CRADD: variants seen among roughly 807,000 people sequenced by gnomAD.
The protein encoded by CRADD is death domain-containing protein CRADD.
In CRADD, 9 loss-of-function variants were observed where a neutral mutation model predicts 15.5. The ratio of observed to expected loss-of-function variants is 0.58; its 90% CI spans 0.35 to 1.01. The LOEUF (loss-of-function observed/expected upper bound fraction) is 1.01, where lower values mean the gene tolerates loss of function less well. Among genes scored for constraint, CRADD ranks in the 50% least tolerant of loss-of-function variants. The pLI, the probability that CRADD is intolerant of heterozygous loss-of-function variation, is 0.02. For missense variants in CRADD, 227 were observed against 250.3 expected (o/e 0.91, Z 0.63); for synonymous variants, 118 against 107.6 (o/e 1.10, Z -0.60).
chr12:93,725,006 A>C (rs940234873), intron 2 of CRADD, among the ~76,000 whole-genome samples: 2 of 151,900 alleles, frequency 1.3e-5, no homozygotes, highest in Non-Finnish European at 2.9e-5. Context: ...GACTTCAGGC[A>C]CCCGCCACCA....
chr12:93,779,651 G>A (rs568507030), intron 2 of CRADD, among the ~76,000 whole-genome samples: 2 of 149,218 alleles, frequency 1.3e-5, no homozygotes, highest in Non-Finnish European at 3.0e-5. Flanking sequence ...GTGCAGTGGT[G>A]CAATCTCGGC....
At chr12:93,773,533 T>C (rs1957107417) in intron 2 of CRADD, among the ~76,000 whole-genome samples, 1 of 152,194 alleles carries the variant, frequency 6.6e-6, no homozygotes, top group Non-Finnish European at 1.5e-5. Context: ...CTTGGGTATG[T>C]CTGTATCAGC....
rs186668869 is a variant in CRADD, at chr12:93,737,143, A to G, written c.298+58071A>G. ...TAAATTAGAGTTTGCTATGTGAACA[A>G]GGTTGCAGAGGGAATAGTATATGGA... On this transcript the variant is annotated intron_variant, in intron 2 of 2. Coordinates refer to ENST00000332896, the MANE Select transcript of CRADD (RefSeq NM_003805.5). 2.6e-5 allele frequency among the ~76,000 whole-genome samples: 4 copies of G among 152,358 alleles called. No homozygotes were observed. The East Asian group carries it at 7.7e-4, about 29-fold the overall frequency.
chr12:93,763,224 T>A (rs1956989368), intron 2 of CRADD, among the ~76,000 whole-genome samples: 1 of 152,262 alleles, frequency 6.6e-6, no homozygotes, highest in African/African-American at 2.4e-5. Flanking sequence ...TACCATATTA[T>A]GCTACCCCTC....
At position 93,693,634 on chromosome 12, in the gene CRADD, A is replaced by G. The variant is rs11107161; in HGVS notation, c.298+14562A>G. On this transcript the variant is annotated intron_variant, in intron 2 of 2. Coordinates refer to ENST00000332896, the MANE Select transcript of CRADD (RefSeq NM_003805.5). The stretch of plus-strand genomic sequence containing the variant: ...GATCTGAAGGGGGAGACAGACTAGA[A>G]TATAGTAATAGTAGAGAACTTTAAT... Among the ~76,000 whole-genome samples the G allele has an allele frequency of 9.2e-3, 1,403 of 152,198 alleles. 16 individuals are homozygous for G. Among genetic ancestry groups the G allele is most frequent in the African/African-American group, 0.032 (1,344 of 41,552 alleles).
chr12:93,756,763 T>C lies in CRADD; in HGVS notation c.298+77691T>C, dbSNP rs78492221. On this transcript the variant is annotated intron_variant, in intron 2 of 2. Coordinates refer to ENST00000332896, the MANE Select transcript of CRADD (RefSeq NM_003805.5). ...GATAAGAGCTTACAAGAACATGCCA[T>C]GTAGGCACAAAACCTTAACTTCTTG... Among the ~76,000 whole-genome samples, 1,375 of 152,270 alleles carry C rather than the reference T, an allele frequency of 9.0e-3. 19 individuals carry two copies. Among genetic ancestry groups the C allele is most frequent in the African/African-American group, 0.031 (1,299 of 41,538 alleles).
At position 93,781,338 on chromosome 12, in the gene CRADD, G is replaced by A. The variant is rs544368862; in HGVS notation, c.299-68632G>A. 4.3e-3 allele frequency among the ~76,000 whole-genome samples: 657 copies of A among 152,218 alleles called. 4 individuals carry two copies. Among genetic ancestry groups the A allele is most frequent in the African/African-American group, 0.015 (621 of 41,524 alleles). Reference sequence around the variant, plus strand: ...GGCACCAAGTCATTGTTCTGAAAATGGATTTAAAAAGGAGATCTCACATCC... The same window carrying A: ...GGCACCAAGTCATTGTTCTGAAAATAGATTTAAAAAGGAGATCTCACATCC... On this transcript the variant is annotated intron_variant, in intron 2 of 2. Transcript: ENST00000332896.
At chr12:93,782,243 C>CA (rs1261040684) in intron 2 of CRADD, among the ~76,000 whole-genome samples, 3 of 146,694 alleles carry the variant, frequency 2.0e-5, no homozygotes, top group African/African-American at 5.0e-5. Context: ...ATCGCAAGGA[C>CA]AAAAAACCAA....
intron 2 of CRADD, among the ~76,000 whole-genome samples, chr12:93,825,244 A>G (rs140877915): frequency 1.5e-4 from 23 of 152,202 alleles, no homozygotes; most frequent in African/African-American, 4.8e-4. Context: ...AGATTTGTCA[A>G]CATTCATCTA....
chr12:93,679,390 C>T (rs1472502587), intron 2 of CRADD, among the ~76,000 whole-genome samples: 2 of 152,194 alleles, frequency 1.3e-5, no homozygotes, highest in East Asian at 1.9e-4. Flanking sequence ...GATCCACCCA[C>T]CTCCGCCTCC....
At chr12:93,872,251 A>C (rs1268228090) in intron 2 of CRADD, among the ~76,000 whole-genome samples, 1 of 152,060 alleles carries the variant, frequency 6.6e-6, no homozygotes, top group Non-Finnish European at 1.5e-5. Flanking sequence ...CCATTTTTTG[A>C]ATGAATTATT....
chr12:93,719,629 C>T (rs997344407), intron 2 of CRADD, among the ~76,000 whole-genome samples: 10 of 152,140 alleles, frequency 6.6e-5, no homozygotes, highest in African/African-American at 9.7e-5. Context: ...TTAATAGATG[C>T]AGGCCAACTT....
intron 2 of CRADD, among the ~76,000 whole-genome samples, chr12:93,876,182 G>T (rs1958456791): frequency 6.6e-6 from 1 of 151,998 alleles, no homozygotes. Flanking sequence ...AAAGTCTTCT[G>T]CCAGGCATAG....
intron 2 of CRADD, among the ~76,000 whole-genome samples, chr12:93,724,147 A>C (rs1956311772): frequency 6.6e-6 from 1 of 152,040 alleles, no homozygotes; most frequent in South Asian, 2.1e-4. Flanking sequence ...TGGGAGGCCG[A>C]GGTGGGTAGA....
At chr12:93,764,557 T>A (rs1957005435) in intron 2 of CRADD, among the ~76,000 whole-genome samples, 1 of 152,160 alleles carries the variant, frequency 6.6e-6, no homozygotes, top group Non-Finnish European at 1.5e-5. Flanking sequence ...GATACATTTC[T>A]TCATGCTCTT....
At chr12:93,817,271 A>C (rs1957713755) in intron 2 of CRADD, among the ~76,000 whole-genome samples, 1 of 151,996 alleles carries the variant, frequency 6.6e-6, no homozygotes. Context: ...GAGGTTTTTG[A>C]AGTGTGTTTT....
intron 2 of CRADD, among the ~76,000 whole-genome samples, chr12:93,711,912 C>T (rs1565882620): frequency 1.3e-5 from 2 of 152,094 alleles, no homozygotes; most frequent in Admixed American, 6.5e-5. Flanking sequence ...TGAGCCACCA[C>T]TCCTGGCTAA....
At chr12:93,843,645 G>T (rs1275022195) in intron 2 of CRADD, among the ~76,000 whole-genome samples, 1 of 151,966 alleles carries the variant, frequency 6.6e-6, no homozygotes, top group African/African-American at 2.4e-5. Context: ...CTCCCAAAGG[G>T]CTGGGATTAC....
At chr12:93,816,940 C>T (rs1405685896) in intron 2 of CRADD, among the ~76,000 whole-genome samples, 1 of 152,216 alleles carries the variant, frequency 6.6e-6, no homozygotes, top group Non-Finnish European at 1.5e-5. Flanking sequence ...GAAGAGAGGA[C>T]TAGTGATCTG....
Sources: allele counts gnomAD v4.1 joint callset (sites outside exome capture counted in the v4.1 genomes callset), GRCh38; gene constraint gnomAD v4.1.1; transcripts MANE v1.5; gene names NCBI Gene and HGNC (gene_info 2026-07-23, HGNC 2026-07-21).